Variants in NFIC observed in about 807,000 individuals in gnomAD.
NFIC encodes the protein nuclear factor I C.
Under a neutral mutation model 54.4 loss-of-function variants are expected in NFIC, and 12 were observed. The observed-to-expected ratio is 0.22, with a 90% confidence interval of 0.14 to 0.36. NFIC has a LOEUF of 0.36. NFIC is among the 10% of genes least tolerant of loss of function. NFIC has a pLI of 1.00. For synonymous variants in NFIC, 322 were observed against 319.2 expected (o/e 1.01, Z -0.09); for missense variants, 575 against 718.2 (o/e 0.80, Z 2.28).
Position 3,417,624 on chromosome 19 carries a change from C to CTT in NFIC, c.563-7464_563-7463dup, listed in dbSNP as rs757954619. ...AATTATCTGTGCCTCTTTTTCTTTTCTTTTTTTTTTTTTTTTTTTGAGATG... is the reference window on the plus strand; with the variant it reads ...AATTATCTGTGCCTCTTTTTCTTTTCTTTTTTTTTTTTTTTTTTTTTGAGATG... On this transcript the variant is annotated intron_variant, in intron 2 of 10. Coordinates refer to ENST00000443272, the MANE Select transcript of NFIC (RefSeq NM_001245002.2). 6.5e-3 allele frequency among the ~76,000 whole-genome samples: 793 copies of CTT among 121,620 alleles called. 22 individuals are homozygous for CTT. Among genetic ancestry groups the CTT allele is most frequent in the African/African-American group, 0.023 (715 of 30,834 alleles). The allele number at this position is 121,620 out of a possible 152,430, so 79.8% of individuals were successfully genotyped here. A position where few individuals can be genotyped will look rare whatever the true frequency, so the allele number is the denominator to read the frequency against.
chr19:3,433,402 G>A, intron 3 of NFIC, 116 bp from the exon 4 acceptor site: 2 of 1,030,466 alleles, frequency 1.9e-6, no homozygotes, highest in Admixed American at 1.9e-5. Context: ...AGCACAGGAT[G>A]GACAGGGGGA....
At position 3,366,606 on chromosome 19, in the gene NFIC, GGCCGGCCCT is replaced by G; in HGVS notation, c.-28_-20del. ...TCAGTAAGTTCAGCGCGCCCGCTCCGGCCGGCCCTGCGCCTCCCGCCGCGCCCGGGATGT... is the reference window on the plus strand; with the variant it reads ...TCAGTAAGTTCAGCGCGCCCGCTCCGGCGCCTCCCGCCGCGCCCGGGATGT... On this transcript the variant is annotated 5_prime_UTR_variant, in exon 1 of 11. Transcript: ENST00000443272. The G allele has an allele frequency of 6.8e-7, 1 of 1,467,788 alleles. No individual in the cohort carries two copies. Among genetic ancestry groups the G allele is most frequent in the South Asian group, 1.3e-5 (1 of 77,078 alleles). 90.9% of individuals were successfully genotyped at this position (1,467,788 alleles called of 1,614,324 possible).
Position 3,381,717 on chromosome 19 carries a change from G to A in NFIC, c.36G>A (p.Glu12=). 6.2e-7 allele frequency: 1 copy of A among 1,613,568 alleles called. No homozygotes were observed. The highest frequency in any genetic ancestry group is 8.5e-7 in the Non-Finnish European group (1 of 1,179,886). The change falls in exon 2 of 11, where the codon GAG becomes GAA. Residue 12 remains glutamate (E), a synonymous_variant. Coordinates refer to ENST00000443272, the MANE Select transcript of NFIC (RefSeq NM_001245002.2). ...CTCGCCTCTCCGGCCTGCAGGATGAGTTCCACCCGTTCATCGAGGCCCTGC... is the reference window on the plus strand; with the variant it reads ...CTCGCCTCTCCGGCCTGCAGGATGAATTCCACCCGTTCATCGAGGCCCTGC... ...YSSPLCLTQD[E]FHPFIEALLP...
Position 3,463,128 on chromosome 19 carries a change from C to T in NFIC, c.*359C>T, listed in dbSNP as rs558402912. 46 of 1,149,554 alleles carry T rather than the reference C, an allele frequency of 4.0e-5. No homozygotes were observed. Among genetic ancestry groups the T allele is most frequent in the Admixed American group, 2.9e-4 (6 of 20,380 alleles). 71.2% of individuals were successfully genotyped at this position (1,149,554 alleles called of 1,614,324 possible). On this transcript the variant is annotated 3_prime_UTR_variant, in exon 11 of 11. Coordinates refer to ENST00000443272, the MANE Select transcript of NFIC (RefSeq NM_001245002.2). ...CTTCCTAAGTTATTCATCTCCTCTC[C>T]GCCTGCTGCTCGGGAAGGACAGACG...
At chr19:3,387,223 C>T (rs539287203) in intron 2 of NFIC, among the ~76,000 whole-genome samples, 3 of 152,328 alleles carry the variant, frequency 2.0e-5, no homozygotes, top group South Asian at 2.1e-4. Context: ...GAGAGGAGGC[C>T]GGGCACAGTG....
chr19:3,363,738 C>T (rs910558867), upstream of NFIC, among the ~76,000 whole-genome samples: 1 of 152,232 alleles, frequency 6.6e-6, no homozygotes, highest in African/African-American at 2.4e-5. Context: ...ATTCTGTTCC[C>T]ATGGGACACT....
At chr19:3,363,836 C>T (rs1362486983), upstream of NFIC, among the ~76,000 whole-genome samples, 1 of 152,208 alleles carries the variant, frequency 6.6e-6, no homozygotes, top group African/African-American at 2.4e-5. Flanking sequence ...CTGCTCAGCA[C>T]CCTGCAGGGC....
At chr19:3,437,675 TTTTTTTGTTTTTTG>T (rs1405286131) in intron 6 of NFIC, among the ~76,000 whole-genome samples, 2 of 151,238 alleles carry the variant, frequency 1.3e-5, no homozygotes, top group African/African-American at 4.9e-5. Flanking sequence ...TCTGTTTCGT[TTTTTTTGTTTTTTG>T]TTTTTTGTTT....
chr19:3,372,618 A>G (rs1463213880), intron 1 of NFIC, among the ~76,000 whole-genome samples: 2 of 150,000 alleles, frequency 1.3e-5, no homozygotes, highest in African/African-American at 4.9e-5. Context: ...GGGGAAGGGA[A>G]CCACGTGGGA....
chr19:3,393,289 A>G (rs1049489041), intron 2 of NFIC, among the ~76,000 whole-genome samples: 2 of 152,114 alleles, frequency 1.3e-5, no homozygotes, highest in African/African-American at 4.8e-5. Flanking sequence ...AGGGCCAGCA[A>G]GGAGGGACCC....
intron 3 of NFIC, among the ~76,000 whole-genome samples, chr19:3,426,104 T>A (rs1160989558): frequency 6.6e-6 from 1 of 151,588 alleles, no homozygotes; most frequent in East Asian, 2.0e-4. Context: ...CTGGCTAATT[T>A]TTGTATTTTT....
chr19:3,429,115 T>A (rs1210590272), intron 3 of NFIC, among the ~76,000 whole-genome samples: 1 of 133,462 alleles, frequency 7.5e-6, no homozygotes, highest in African/African-American at 2.9e-5. Context: ...CAAGACCCTA[T>A]CTCTACCCAA....
chr19:3,387,593 A>G (rs2081317663), intron 2 of NFIC, among the ~76,000 whole-genome samples: 1 of 151,834 alleles, frequency 6.6e-6, no homozygotes, highest in Admixed American at 6.6e-5. Context: ...GCCACTCTGG[A>G]TGGGGAGGGC....
At position 3,465,174 on chromosome 19, in the gene NFIC, A is replaced by AAAAAAAAG. The variant is rs1555685262; in HGVS notation, c.*2405_*2406insAAAAAAAG. 6.9e-6 allele frequency: 1 copy of AAAAAAAAG among 144,404 alleles called. No individual in the cohort carries two copies. The highest frequency in any genetic ancestry group is 2.6e-5 in the African/African-American group (1 of 39,100). The allele number at this position is 144,404 out of a possible 1,614,324, so 8.9% of individuals were successfully genotyped here. A position where few individuals can be genotyped will look rare whatever the true frequency, so the allele number is the denominator to read the frequency against. Reference sequence around the variant, plus strand: ...TTTAAAAAAAAAAAAAAAAAAAAAAAGATACAAGAAAAACCTTTAAAAAAA... The same window carrying AAAAAAAAG: ...TTTAAAAAAAAAAAAAAAAAAAAAAAAAAAAAAGGATACAAGAAAAACCTTTAAAAAAA... On this transcript the variant is annotated 3_prime_UTR_variant, in exon 11 of 11. Transcript: ENST00000443272.
Position 3,469,208 on chromosome 19 carries a change from T to G in NFIC, c.*6439T>G, listed in dbSNP as rs1189657467. ...TGTATAAAAATTAAACAAGCTATGC[T>G]TCGACTCTTTCTGGCTGTCCCGGGT... On this transcript the variant is annotated 3_prime_UTR_variant, in exon 11 of 11. Transcript: ENST00000443272. 1 of 152,236 alleles carries G rather than the reference T, an allele frequency of 6.6e-6. No homozygotes were observed. Among genetic ancestry groups the G allele is most frequent in the East Asian group, 1.9e-4 (1 of 5,192 alleles). 9.4% of individuals were successfully genotyped at this position (152,236 alleles called of 1,614,324 possible). A position where few individuals can be genotyped will look rare whatever the true frequency, so the allele number is the denominator to read the frequency against.
At chr19:3,388,984 G>A (rs574730783) in intron 2 of NFIC, among the ~76,000 whole-genome samples, 108 of 152,270 alleles carry the variant, frequency 7.1e-4, no homozygotes, top group Non-Finnish European at 1.1e-3. Flanking sequence ...CAGCCTGGGC[G>A]ACAGAGTGAG....
intron 1 of NFIC, among the ~76,000 whole-genome samples, chr19:3,368,913 CTG>C (rs59920512): frequency 0.018 from 2,576 of 147,006 alleles, 44 homozygotes; most frequent in African/African-American, 0.048. Flanking sequence ...TGCTCTGACT[CTG>C]TGTGTGTGTG....
In NFIC at chr19:3,435,152, TTCGCCCAGC is replaced by T. The variant is rs2082179268; in HGVS notation, c.911_919del (p.Ser304_Pro306del). 6.2e-7 allele frequency: 1 copy of T among 1,605,358 alleles called. No individual in the cohort carries two copies. On this transcript the variant is annotated inframe_deletion, in exon 6 of 11. Coordinates refer to ENST00000443272, the MANE Select transcript of NFIC (RefSeq NM_001245002.2). ...CGAGCCCTGGCGGCGATTACTACAC[TTCGCCCAGC>T]TCGCCCACGAGTAGCAGCCGCAACT...
intron 6 of NFIC, among the ~76,000 whole-genome samples, chr19:3,448,324 C>T (rs1202801623): frequency 6.6e-6 from 1 of 152,230 alleles, no homozygotes. Flanking sequence ...CTGCCCACCT[C>T]AGCCTCCCAA....
Sources: gnomAD v4.1 joint callset for allele counts (sites outside exome capture counted in the v4.1 genomes callset) on GRCh38, gnomAD v4.1.1 for gene constraint, MANE v1.5 for transcripts, NCBI Gene and HGNC (gene_info 2026-07-23, HGNC 2026-07-21) for gene names.